The following FBXO34 variants were observed in gnomAD, a reference collection of about 807,000 sequenced individuals.
The protein encoded by FBXO34 is F-box protein 34.
Under a neutral mutation model 24.5 loss-of-function variants are expected in FBXO34, and 12 were observed. The ratio of observed to expected loss-of-function variants is 0.49; its 90% confidence interval spans 0.31 to 0.79. The LOEUF (loss-of-function observed/expected upper bound fraction) is 0.79. Among genes scored for constraint, FBXO34 ranks in the 30% least tolerant of loss-of-function variants. The pLI is 0.04. For synonymous variants in FBXO34, 320 were observed against 311.9 expected (o/e 1.03, Z -0.27); for missense variants, 823 against 857.7 (o/e 0.96, Z 0.51).
chr14:55,317,480 C>CA (rs751787937), intron 1 of FBXO34, among the ~76,000 whole-genome samples: 6 of 149,676 alleles, frequency 4.0e-5, no homozygotes, highest in Admixed American at 2.0e-4. Flanking sequence ...GACCCTGTCT[C>CA]AAAAAAAACA....
the FBXO34 span, among the ~76,000 whole-genome samples, chr14:55,405,491 C>T: frequency 6.6e-6 from 1 of 152,120 alleles, no homozygotes; most frequent in Non-Finnish European, 1.5e-5. Context: ...TACAATTTGT[C>T]TCTCTTTTTA....
chr14:55,436,992 G>C, the FBXO34 span: 5 of 1,614,098 alleles, frequency 3.1e-6, no homozygotes, highest in Admixed American at 8.3e-5. Context: ...GGCTGAACAG[G>C]GGAGACCTGG....
intron 1 of FBXO34, chr14:55,272,217 A>G (rs1270426106): frequency 2.0e-5 from 3 of 152,294 alleles, no homozygotes; most frequent in Non-Finnish European, 4.4e-5. Context: ...CCCGCAGGGT[A>G]GAAAAAGGAA....
the FBXO34 span, among the ~76,000 whole-genome samples, chr14:55,427,910 T>A: frequency 7.5e-5 from 11 of 147,552 alleles, no homozygotes; most frequent in Admixed American, 2.0e-4. Flanking sequence ...AGACGGAGTC[T>A]GGCTGTGGCC....
downstream of FBXO34, among the ~76,000 whole-genome samples, chr14:55,362,479 T>TA (rs1566573036): frequency 6.6e-6 from 1 of 152,042 alleles, no homozygotes; most frequent in African/African-American, 2.4e-5. Flanking sequence ...CTTCAATTTG[T>TA]AAAAAACCCA....
chr14:55,344,693 C>G (rs961687194), intron 1 of FBXO34, among the ~76,000 whole-genome samples: 1 of 151,958 alleles, frequency 6.6e-6, no homozygotes, highest in African/African-American at 2.4e-5. Context: ...AGGTATTTGT[C>G]CTAATGCTCT....
intron 1 of FBXO34, among the ~76,000 whole-genome samples, chr14:55,348,394 A>C (rs1469343204): frequency 6.6e-6 from 1 of 152,080 alleles, no homozygotes; most frequent in East Asian, 1.9e-4. Flanking sequence ...ACACCTGGCT[A>C]ATTAAAAAAA....
chr14:55,319,195 A>G (rs140551049), intron 1 of FBXO34, among the ~76,000 whole-genome samples: 1 of 152,302 alleles, frequency 6.6e-6, no homozygotes, highest in East Asian at 1.9e-4. Context: ...ACTTTTTTTA[A>G]AAGAAGATTT....
At chr14:55,432,452 A>AACACAAAAAAAC in the FBXO34 span, among the ~76,000 whole-genome samples, 4 of 151,878 alleles carry the variant, frequency 2.6e-5, no homozygotes, top group African/African-American at 7.3e-5. Flanking sequence ...AACAAAAAAA[A>AACACAAAAAAAC]CACCATAAAA....
chr14:55,327,830 C>T (rs1371442888), intron 1 of FBXO34, among the ~76,000 whole-genome samples: 13 of 148,378 alleles, frequency 8.8e-5, no homozygotes, highest in East Asian at 2.0e-4. Context: ...TTTTTTCATT[C>T]GCAATTTTAT....
Position 55,298,767 on chromosome 14 carries a change from G to T in FBXO34, c.-11+27230G>T, listed in dbSNP as rs570705263. Reference sequence around the variant, plus strand: ...ACAGGAGTTCCTGGAGAAGAAAATCGAGCAGAGGCACGGCACCAAAAACAA... The same window carrying T: ...ACAGGAGTTCCTGGAGAAGAAAATCTAGCAGAGGCACGGCACCAAAAACAA... On this transcript the variant is annotated intron_variant, in intron 1 of 1. Coordinates refer to ENST00000313833, the MANE Select transcript of FBXO34 (RefSeq NM_017943.4). 1.8e-5 allele frequency: 29 copies of T among 1,580,566 alleles called. No homozygotes were observed. The East Asian group carries it at 5.8e-4, about 32-fold the overall frequency.
intron 1 of FBXO34, among the ~76,000 whole-genome samples, chr14:55,303,637 A>G (rs1158281971): frequency 1.4e-5 from 2 of 144,412 alleles, no homozygotes; most frequent in Non-Finnish European, 3.0e-5. Context: ...CTGGGAATTT[A>G]TGGGAACATA....
At chr14:55,395,301 C>T in the FBXO34 span, 7 of 273,464 alleles carry the variant, frequency 2.6e-5, no homozygotes, top group African/African-American at 9.2e-5. Flanking sequence ...TCAGCAAAGC[C>T]GGGCTGCCTG....
the FBXO34 span, among the ~76,000 whole-genome samples, chr14:55,422,775 C>T: frequency 6.6e-6 from 1 of 152,000 alleles, no homozygotes; most frequent in Non-Finnish European, 1.5e-5. Context: ...ATCACTTGAA[C>T]GCTGGAGGTG....
intron 1 of FBXO34, among the ~76,000 whole-genome samples, chr14:55,322,274 C>A (rs1883162395): frequency 1.3e-5 from 2 of 148,632 alleles, no homozygotes; most frequent in Admixed American, 6.7e-5. Flanking sequence ...CACGCCACTG[C>A]ACTCCAGCCT....
the FBXO34 span, among the ~76,000 whole-genome samples, chr14:55,414,824 A>C: frequency 6.6e-6 from 1 of 152,236 alleles, no homozygotes; most frequent in African/African-American, 2.4e-5. Flanking sequence ...CGTCCTCTCT[A>C]GTTAACATCT....
At chr14:55,360,521 A>G (rs1334149847) in intron 3 of FBXO34, among the ~76,000 whole-genome samples, 2 of 152,066 alleles carry the variant, frequency 1.3e-5, no homozygotes. Flanking sequence ...TACTTCCTCC[A>G]TGGGTCTTAA....
chr14:55,274,857 G>A (rs995840905), intron 1 of FBXO34, among the ~76,000 whole-genome samples: 1 of 152,154 alleles, frequency 6.6e-6, no homozygotes, highest in Non-Finnish European at 1.5e-5. Flanking sequence ...CAGCTGTTTA[G>A]AACCAGATAC....
the FBXO34 span, among the ~76,000 whole-genome samples, chr14:55,399,114 T>C: frequency 6.6e-6 from 1 of 152,216 alleles, no homozygotes; most frequent in Non-Finnish European, 1.5e-5. Context: ...CCCCAAGATG[T>C]CTGCTTCTAA....
Sources: allele counts gnomAD v4.1 joint callset (sites outside exome capture counted in the v4.1 genomes callset), GRCh38; gene constraint gnomAD v4.1.1; transcripts MANE v1.5; gene names NCBI Gene and HGNC (gene_info 2026-07-23, HGNC 2026-07-21).